Variants in LHCGR observed in about 807,000 individuals in gnomAD.
LHCGR encodes the protein lutropin-choriogonadotropic hormone receptor.
LHCGR carries 55 observed loss-of-function variants against 60.7 expected under a neutral mutation model. The ratio of observed to expected loss-of-function variants is 0.91; its 90% CI spans 0.73 to 1.13. The LOEUF is 1.13. Among genes scored for constraint, LHCGR ranks in the 50% most tolerant of loss-of-function variants. LHCGR has a pLI of 0.00. For missense variants in LHCGR, 862 were observed against 836.0 expected, an observed-to-expected ratio of 1.03 and a Z score of -0.38; for synonymous variants, 337 against 316.5, an observed-to-expected ratio of 1.06 and a Z score of -0.69.
intron 1 of LHCGR, among the ~76,000 whole-genome samples, chr2:48,740,767 C>G (rs893362645): frequency 1.3e-5 from 2 of 152,146 alleles, no homozygotes; most frequent in South Asian, 2.1e-4. Context: ...AAACTGGAAA[C>G]TCAAAAAAGC....
chr2:48,746,033 C>A (rs900416855), intron 1 of LHCGR, among the ~76,000 whole-genome samples: 1 of 152,100 alleles, frequency 6.6e-6, no homozygotes, highest in Non-Finnish European at 1.5e-5. Flanking sequence ...TTTCATTTCA[C>A]ATCTATAAAG....
rs76620388 is a variant in LHCGR at position 48,735,786 on chromosome 2, G to A, written c.162-4488C>T. ...GTGGGTGGCTGAAGCTCTCAGCTGA[G>A]TTGCTCTCCTAGAATTATGCTTATA... On this transcript the variant is annotated intron_variant, in intron 1 of 10. Coordinates refer to ENST00000294954, the MANE Select transcript of LHCGR (RefSeq NM_000233.4). Among the ~76,000 whole-genome samples, 46 of 152,224 alleles carry A rather than the reference G, an allele frequency of 3.0e-4. 1 individual carries two copies. The East Asian group carries it at 8.7e-3, about 29-fold the overall frequency.
intron 3 of LHCGR, among the ~76,000 whole-genome samples, chr2:48,726,247 G>A (rs1361960690): frequency 6.6e-6 from 1 of 152,216 alleles, no homozygotes; most frequent in Non-Finnish European, 1.5e-5. Flanking sequence ...CAGGGCAAAA[G>A]CCAGAGGCTT....
chr2:48,708,108 C>G (rs753061317), intron 8 of LHCGR, among the ~76,000 whole-genome samples: 1 of 152,184 alleles, frequency 6.6e-6, no homozygotes, highest in African/African-American at 2.4e-5. Flanking sequence ...TCTTCTGCAT[C>G]GATCTCGCTG....
chr2:48,737,858 G>C (rs1446204797), intron 1 of LHCGR, among the ~76,000 whole-genome samples: 2 of 152,218 alleles, frequency 1.3e-5, no homozygotes, highest in Non-Finnish European at 2.9e-5. Context: ...AAGTCATTTG[G>C]TCCAACCCCT....
chr2:48,718,034 G>C (rs1013066691), intron 6 of LHCGR, among the ~76,000 whole-genome samples: 1 of 151,846 alleles, frequency 6.6e-6, no homozygotes, highest in Non-Finnish European at 1.5e-5. Context: ...ACCTCATGCT[G>C]TCAGTCTTGC....
chr2:48,723,510 A>T lies in LHCGR; in HGVS notation c.482T>A (p.Ile161Lys), dbSNP rs78773563. 1.9e-6 allele frequency: 3 copies of T among 1,612,946 alleles called. No homozygotes were observed. Among genetic ancestry groups the T allele is most frequent in the Non-Finnish European group, 2.5e-6 (3 of 1,178,924 alleles). Residue 161 changes from isoleucine (I) to lysine (K), a missense_variant, in exon 6 of 11, where the codon ATA becomes AAA. Coordinates refer to ENST00000294954, the MANE Select transcript of LHCGR (RefSeq NM_000233.4). ...AAAAGCATTTCCTGGTATGGTGGTT[A>T]TGTGTAAGTTATCACAAATTTCCCT... ...FILEICDNLH[I>K]TTIPGNAFQG... is the part of the protein sequence containing the mutation.
chr2:48,695,872 C>A (rs1019623665), intron 9 of LHCGR, among the ~76,000 whole-genome samples: 3 of 152,108 alleles, frequency 2.0e-5, no homozygotes, highest in African/African-American at 7.2e-5. Context: ...TATGAACAGG[C>A]ACTGCAGAAT....
At chr2:48,720,511 C>T (rs1668450858) in intron 6 of LHCGR, 1 of 152,194 alleles carries the variant, frequency 6.6e-6, no homozygotes, top group African/African-American at 2.4e-5. Context: ...CCAGAGTTAC[C>T]TCCAAGCCTG....
intron 8 of LHCGR, among the ~76,000 whole-genome samples, chr2:48,701,043 C>T (rs1667381825): frequency 6.6e-6 from 1 of 151,844 alleles, no homozygotes; most frequent in Non-Finnish European, 1.5e-5. Flanking sequence ...GGAACTAGCA[C>T]AGTCAGGGCT....
chr2:48,729,203 C>G lies in LHCGR; in HGVS notation c.258G>C (p.Leu86=), dbSNP rs767450341. The G allele has an allele frequency of 6.2e-7, 1 of 1,611,108 alleles. No individual in the cohort carries two copies. Among genetic ancestry groups the G allele is most frequent in the Admixed American group, 1.7e-5 (1 of 59,990 alleles). ...CAAAGGCATTAGCTTCTATCCTTTC[C>G]AGGGAATCAATCTGAGAGATTTCAC... ...IKIEISQIDS[L]ERIEANAFDN... The change falls in exon 3 of 11, where the codon CTG becomes CTC. Residue 86 remains leucine, a synonymous_variant. Coordinates refer to ENST00000294954, the MANE Select transcript of LHCGR (RefSeq NM_000233.4).
At chr2:48,707,504 T>C (rs1667750134) in intron 8 of LHCGR, among the ~76,000 whole-genome samples, 1 of 152,246 alleles carries the variant, frequency 6.6e-6, no homozygotes, top group Admixed American at 6.5e-5. Context: ...AGCTGCCCCT[T>C]CCCCTAGGTG....
At chr2:48,732,071 G>A (rs1385243427) in intron 1 of LHCGR, among the ~76,000 whole-genome samples, 1 of 152,202 alleles carries the variant, frequency 6.6e-6, no homozygotes, top group African/African-American at 2.4e-5. Context: ...CTGTACTTAA[G>A]ATTTGAGAAA....
At chr2:48,702,178 C>T (rs1296533804) in intron 8 of LHCGR, among the ~76,000 whole-genome samples, 1 of 152,042 alleles carries the variant, frequency 6.6e-6, no homozygotes, top group East Asian at 1.9e-4. Context: ...AGCTTCAGCT[C>T]TCTGCAGGAT....
intron 1 of LHCGR, among the ~76,000 whole-genome samples, chr2:48,745,336 C>G (rs1252776144): frequency 1.3e-5 from 2 of 152,124 alleles, no homozygotes; most frequent in Admixed American, 6.6e-5. Flanking sequence ...CCTAGCCATC[C>G]CATTACTGGG....
At chr2:48,699,974 G>T (rs1415204013) in intron 8 of LHCGR, among the ~76,000 whole-genome samples, 1 of 152,204 alleles carries the variant, frequency 6.6e-6, no homozygotes, top group Non-Finnish European at 1.5e-5. Flanking sequence ...TCATTCCCAA[G>T]ACTTGGTGTT....
intron 6 of LHCGR, chr2:48,720,626 A>T (rs1196422996): frequency 6.6e-6 from 1 of 152,182 alleles, no homozygotes; most frequent in East Asian, 1.9e-4. Flanking sequence ...GTTTACTCCC[A>T]AGTAGTAGCC....
In LHCGR at chr2:48,688,865, T is replaced by C. The variant is rs757639462; in HGVS notation, c.948-16A>G. On this transcript the variant is annotated splice_polypyrimidine_tract_variant and intron_variant, in intron 10 of 10. Transcript: ENST00000294954. This position sits in a 1 kb window ranked among gnomAD's most constrained non-coding sequence, Gnocchi z 5.2. ...GGAAGAATAACTGTAAGAAGAATTA[T>C]TGGCTTGAGGTAAGGGATTTTCTCT... The C allele has an allele frequency of 1.9e-6, 3 of 1,612,508 alleles. No individual in the cohort carries two copies. The highest frequency in any genetic ancestry group is 4.5e-5 in the East Asian group (2 of 44,898).
Position 48,687,654 on chromosome 2 carries a change from C to T in LHCGR, c.*43G>A. 5 of 1,508,794 alleles carry T rather than the reference C, an allele frequency of 3.3e-6. No homozygotes were observed. The highest frequency in any genetic ancestry group is 1.1e-5 in the South Asian group (1 of 87,700). The allele number at this position is 1,508,794 out of a possible 1,614,324, so 93.5% of individuals were successfully genotyped here. A position where few individuals can be genotyped will look rare whatever the true frequency, so the allele number is the denominator to read the frequency against. ...TACTGGTACAGGTAATTTTTTTTTACAGGTTTAAGAACAATTCAATAATGC... is the reference window on the plus strand; with the variant it reads ...TACTGGTACAGGTAATTTTTTTTTATAGGTTTAAGAACAATTCAATAATGC... On this transcript the variant is annotated 3_prime_UTR_variant, in exon 11 of 11. Transcript: ENST00000294954.
Sources: allele counts gnomAD v4.1 joint callset (sites outside exome capture counted in the v4.1 genomes callset), GRCh38; gene constraint gnomAD v4.1.1; non-coding constraint Gnocchi (gnomAD v3.1); transcripts MANE v1.5; gene names NCBI Gene and HGNC (gene_info 2026-07-23, HGNC 2026-07-21).